The following CCAR1 variants were observed in gnomAD, a reference collection of about 807,000 sequenced individuals.
CCAR1 encodes cell division cycle and apoptosis regulator 1, also known as cell division cycle and apoptosis regulator protein 1.
A neutral mutation model predicts 163.8 loss-of-function variants in CCAR1; 78 were observed. That is an observed-to-expected ratio of 0.48 (90% CI 0.40 to 0.57). The LOEUF (loss-of-function observed/expected upper bound fraction) is 0.57. CCAR1 is among the 20% of genes least tolerant of loss of function. The probability of loss-of-function intolerance (pLI) is 0.00; values close to 1 mark genes in which losing one functional copy is unlikely to be tolerated. For synonymous variants in CCAR1, 443 were observed against 460.7 expected, an observed-to-expected ratio of 0.96 and a Z score of 0.49; for missense variants, 1,019 against 1,365.2, an observed-to-expected ratio of 0.75 and a Z score of 4.00.
In CCAR1 at chr10:68,723,862, A is replaced by G. The variant is rs912818406; in HGVS notation, c.73+1285A>G. The stretch of plus-strand genomic sequence containing the variant: ...GACTCCATCTCAAAAAGAAAAAAAA[A>G]AAAAGGTAAATTTAGGCTGGGCGCG... On this transcript the variant is annotated intron_variant, in intron 2 of 24. Transcript: ENST00000265872. Among the ~76,000 whole-genome samples the G allele has an allele frequency of 2.7e-5, 4 of 148,930 alleles. 1 individual carries two copies. Among genetic ancestry groups the G allele is most frequent in the Middle Eastern group, 3.6e-3 (1 of 274 alleles).
chr10:68,742,821 C>G (rs532553142), intron 6 of CCAR1, among the ~76,000 whole-genome samples: 28 of 152,114 alleles, frequency 1.8e-4, no homozygotes, highest in African/African-American at 6.5e-4. Context: ...TTCACCATGT[C>G]GGCCAGATTG....
intron 2 of CCAR1, among the ~76,000 whole-genome samples, chr10:68,734,592 C>T (rs962630276): frequency 5.9e-5 from 9 of 152,050 alleles, no homozygotes; most frequent in African/African-American, 7.3e-5. Flanking sequence ...TGCCCGCCCC[C>T]GGGTTGAAGT....
intron 6 of CCAR1, among the ~76,000 whole-genome samples, chr10:68,746,391 G>A (rs193275499): frequency 3.9e-5 from 6 of 151,938 alleles, no homozygotes; most frequent in South Asian, 2.1e-4. Flanking sequence ...ATTCGCACCC[G>A]GCTAATTTTT....
At chr10:68,746,141 T>G (rs868115341) in intron 6 of CCAR1, among the ~76,000 whole-genome samples, 5 of 150,932 alleles carry the variant, frequency 3.3e-5, no homozygotes, top group Middle Eastern at 3.4e-3. Context: ...CCTGGCTAAT[T>G]TTTGTATTTT....
At chr10:68,771,005 G>C (rs557390395) in intron 17 of CCAR1, among the ~76,000 whole-genome samples, 2 of 152,118 alleles carry the variant, frequency 1.3e-5, no homozygotes, top group Non-Finnish European at 2.9e-5. Context: ...GTGAACCCGG[G>C]AGGTGGAGCT....
chr10:68,725,736 G>C (rs1355501470), intron 2 of CCAR1, among the ~76,000 whole-genome samples: 2 of 151,962 alleles, frequency 1.3e-5, no homozygotes, highest in African/African-American at 2.4e-5. Context: ...TTAATTCGAG[G>C]TCAATTTCGG....
chr10:68,761,064 T>C lies in CCAR1; in HGVS notation c.1978T>C (p.Ser660Pro). ...SRALSSKGLK[S>P]QLIARLTKQL... ...AGCTCTTAGTTCCAAAGGATTAAAA[T>C]CCCAGTTAATAGCCCGATTGACAAA... The change falls in exon 16 of 25, where the codon TCC becomes CCC. Residue 660 changes from serine to proline, a missense_variant. Ser to Pro is a moderately conservative substitution (Grantham distance 74, BLOSUM62 -1). Around this residue, in one of 4 missense-constraint regions of CCAR1, gnomAD observed 644 missense variants for 904.4 expected, o/e 0.71. Coordinates refer to ENST00000265872, the MANE Select transcript of CCAR1 (RefSeq NM_018237.4). 6.3e-7 allele frequency: 1 copy of C among 1,574,882 alleles called. No homozygotes were observed. Among genetic ancestry groups the C allele is most frequent in the Non-Finnish European group, 8.6e-7 (1 of 1,162,434 alleles).
At chr10:68,777,526 T>C (rs187594338) in intron 19 of CCAR1, among the ~76,000 whole-genome samples, 66 of 151,668 alleles carry the variant, frequency 4.4e-4, no homozygotes, top group African/African-American at 1.4e-3. Context: ...TTACTAAAAA[T>C]ACAAAAAATT....
intron 6 of CCAR1, among the ~76,000 whole-genome samples, chr10:68,745,298 G>A (rs972123556): frequency 2.7e-5 from 4 of 150,512 alleles, no homozygotes; most frequent in Non-Finnish European, 4.4e-5. Flanking sequence ...GAGCCGCCAC[G>A]CCCGGCCCTT....
chr10:68,721,444 T>TC (rs2055854205), intron 1 of CCAR1, 162 bp downstream of exon 1: 1 of 309,982 alleles, frequency 3.2e-6, no homozygotes, highest in Non-Finnish European at 6.3e-6. Flanking sequence ...AGGGACGCGG[T>TC]CCCTTTTGTG....
At chr10:68,768,415 G>T (rs2056561401) in intron 17 of CCAR1, among the ~76,000 whole-genome samples, 2 of 151,858 alleles carry the variant, frequency 1.3e-5, no homozygotes, top group African/African-American at 2.4e-5. Flanking sequence ...TTTGAGACCA[G>T]CCTGGCCAAC....
chr10:68,769,107 C>A (rs561045371), intron 17 of CCAR1, among the ~76,000 whole-genome samples: 2 of 152,012 alleles, frequency 1.3e-5, no homozygotes, highest in Non-Finnish European at 2.9e-5. Flanking sequence ...CCCGAGTAGC[C>A]CTGGGATTAC....
At chr10:68,759,710 T>C (rs1171889359) in intron 15 of CCAR1, among the ~76,000 whole-genome samples, 2 of 151,770 alleles carry the variant, frequency 1.3e-5, no homozygotes, top group Non-Finnish European at 1.5e-5. Context: ...GTTGTGCCAC[T>C]CCAGCCTGGG....
At chr10:68,745,967 A>T (rs1266918542) in intron 6 of CCAR1, among the ~76,000 whole-genome samples, 2 of 151,674 alleles carry the variant, frequency 1.3e-5, no homozygotes, top group Admixed American at 1.3e-4. Context: ...TTATTTTTAA[A>T]TTTTTTATTT....
chr10:68,776,076 G>A (rs1237719531), intron 19 of CCAR1, among the ~76,000 whole-genome samples: 3 of 151,802 alleles, frequency 2.0e-5, no homozygotes, highest in East Asian at 1.9e-4. Flanking sequence ...TGATTTACCC[G>A]CCTCAGCCTC....
chr10:68,747,047 A>T lies in CCAR1; in HGVS notation c.519-114A>T, dbSNP rs185363415. ...CCATTTCTGATATAGTTTACTGTTTATTTTTTTTTGAGATATGGTTTACTT... is the reference window on the plus strand; with the variant it reads ...CCATTTCTGATATAGTTTACTGTTTTTTTTTTTTTGAGATATGGTTTACTT... On this transcript the variant is annotated intron_variant, in intron 6 of 24. Coordinates refer to ENST00000265872, the MANE Select transcript of CCAR1 (RefSeq NM_018237.4). 4.4e-4 allele frequency: 252 copies of T among 574,838 alleles called. No homozygotes were observed. In the Middle Eastern group the frequency reaches 4.7e-3, roughly 11 times the overall value. 35.6% of individuals were successfully genotyped at this position (574,838 alleles called of 1,614,324 possible).
rs1396825639 is a variant in CCAR1, at chr10:68,749,188, A to G, written c.879A>G (p.Arg293=). The G allele has an allele frequency of 3.7e-6, 6 of 1,613,830 alleles. No homozygotes were observed. The South Asian group carries it at 6.6e-5, about 18-fold the overall frequency. The change falls in exon 9 of 25, where the codon CGA becomes CGG. Residue 293 remains arginine (R), a synonymous_variant. Transcript: ENST00000265872. Reference sequence around the variant, plus strand: ...TAGTTTCACAGCCACAACCGGCACGACGATTAGATCCCCCATCCCGATTTT... The same window carrying G: ...TAGTTTCACAGCCACAACCGGCACGGCGATTAGATCCCCCATCCCGATTTT... The part of the protein sequence containing the change: ...VRIVSQPQPA[R]RLDPPSRFSG...
At chr10:68,729,262 T>G (rs887201386) in intron 2 of CCAR1, among the ~76,000 whole-genome samples, 1 of 151,382 alleles carries the variant, frequency 6.6e-6, no homozygotes, top group African/African-American at 2.4e-5. Context: ...TTTGTTTTTT[T>G]GGGTTTTTTT....
chr10:68,788,418 G>C (rs2056819197), intron 23 of CCAR1, 90 bp downstream of exon 23: 8 of 825,144 alleles, frequency 9.7e-6, no homozygotes, highest in Non-Finnish European at 1.2e-5. Flanking sequence ...ATACGTACCT[G>C]TGTACACATT....
Sources: allele counts gnomAD v4.1 joint callset (sites outside exome capture counted in the v4.1 genomes callset), GRCh38; gene constraint gnomAD v4.1.1; regional missense constraint gnomAD v4.1.1; transcripts MANE v1.5; gene names NCBI Gene and HGNC (gene_info 2026-07-23, HGNC 2026-07-21).